The following FANCB variants were observed in gnomAD, a reference collection of about 807,000 sequenced individuals.
FANCB encodes FA complementation group B.
FANCB carries 5 observed loss-of-function variants against 38.9 expected under a neutral mutation model. That is an observed-to-expected ratio of 0.13 (90% CI 0.07 to 0.27). FANCB has a LOEUF of 0.27. Ranked by LOEUF, FANCB falls within the 10% of genes least tolerant of loss-of-function variation. FANCB has a pLI of 1.00. For synonymous variants in FANCB, 236 were observed against 215.4 expected (o/e 1.10, Z -0.84); for missense variants, 573 against 602.7 (o/e 0.95, Z 0.52).
At chrX:14,753,263 G>A in the FANCB span, among the ~76,000 whole-genome samples, 1 of 111,304 alleles carries the variant, frequency 9.0e-6, no homozygotes, top group Admixed American at 9.6e-5. Flanking sequence ...ATCCAATCCA[G>A]TATGACATTT....
the FANCB span, among the ~76,000 whole-genome samples, chrX:14,759,656 T>C: frequency 1.8e-5 from 2 of 111,314 alleles, no homozygotes; most frequent in Admixed American, 9.6e-5. Context: ...CAGTCTTTAA[T>C]GCTGAAAGAA....
At chrX:14,846,035 G>T (rs1345663532) in intron 7 of FANCB, among the ~76,000 whole-genome samples, 1 of 111,632 alleles carries the variant, frequency 9.0e-6, no homozygotes, top group Non-Finnish European at 1.9e-5. Flanking sequence ...GATTTAAAAA[G>T]AACTCAAAAA....
chrX:14,700,953 G>T, the FANCB span, among the ~76,000 whole-genome samples: 4 of 109,978 alleles, frequency 3.6e-5, no homozygotes, highest in African/African-American at 1.3e-4. Context: ...CCCAGTAGAA[G>T]GTATTCCTTC....
chrX:14,718,162 G>A, the FANCB span, among the ~76,000 whole-genome samples: 1 of 111,271 alleles, frequency 9.0e-6, no homozygotes, highest in East Asian at 2.8e-4. Flanking sequence ...CAGTGATGCT[G>A]TATCTCAAGT....
At chrX:14,740,213 G>A in the FANCB span, among the ~76,000 whole-genome samples, 1 of 110,787 alleles carries the variant, frequency 9.0e-6, no homozygotes, top group African/African-American at 3.3e-5. Flanking sequence ...TTTAGGGGCA[G>A]GGTAGTAGGG....
At chrX:14,730,143 T>C in the FANCB span, 1 of 851,933 alleles carries the variant, frequency 1.2e-6, no homozygotes, top group South Asian at 2.3e-5. Flanking sequence ...TAAAGAATTT[T>C]AAGCATCTTC....
the FANCB span, among the ~76,000 whole-genome samples, chrX:14,783,991 C>G: frequency 3.6e-5 from 4 of 112,363 alleles, no homozygotes; most frequent in Non-Finnish European, 7.5e-5. Context: ...AGGCGGATCA[C>G]CTGAGGTCAG....
the FANCB span, among the ~76,000 whole-genome samples, chrX:14,764,438 T>C: frequency 9.0e-6 from 1 of 111,693 alleles, no homozygotes; most frequent in South Asian, 3.8e-4. Context: ...AAGGGACTTA[T>C]GTAACAGAAT....
At chrX:14,786,718 G>T in the FANCB span, among the ~76,000 whole-genome samples, 1 of 110,817 alleles carries the variant, frequency 9.0e-6, no homozygotes, top group South Asian at 3.9e-4. Context: ...GGGTAAAATT[G>T]TCCAAGAGGT....
chrX:14,824,819 G>T, the FANCB span, among the ~76,000 whole-genome samples: 406 of 112,268 alleles, frequency 3.6e-3, 3 homozygotes, highest in African/African-American at 0.012. Context: ...GTCTTGTACA[G>T]AAATTATTTA....
the FANCB span, among the ~76,000 whole-genome samples, chrX:14,800,788 G>A: frequency 9.0e-6 from 1 of 111,694 alleles, no homozygotes; most frequent in Non-Finnish European, 1.9e-5. Context: ...GAAAGTTATA[G>A]TACTTGTCAT....
the FANCB span, among the ~76,000 whole-genome samples, chrX:14,779,605 T>C: frequency 1.8e-5 from 2 of 112,111 alleles, no homozygotes; most frequent in African/African-American, 6.5e-5. Context: ...TGCCAGTGCC[T>C]TAATCTTGGA....
the FANCB span, among the ~76,000 whole-genome samples, chrX:14,708,244 CAT>C: frequency 1.8e-5 from 2 of 111,270 alleles, no homozygotes; most frequent in African/African-American, 6.6e-5. Context: ...TTAGATTCCA[CAT>C]ATAAGTGAGA....
At position 14,865,418 on chromosome X, in the gene FANCB, A is replaced by G. The variant is rs759943598; in HGVS notation, c.93T>C (p.Asn31=). 8.3e-7 allele frequency: 1 copy of G among 1,209,752 alleles called. No homozygotes were observed. The highest frequency in any genetic ancestry group is 1.1e-6 in the Non-Finnish European group (1 of 894,099). ...EVLVFQLSKG[N]FADKEPTKTP... ...TTTTTGTAGGCTCTTTATCTGCAAA[A>G]TTTCCTTTAGACAACTGGAAAACAA... The change falls in exon 3 of 10, where the codon AAT becomes AAC. Residue 31 remains asparagine (N), a synonymous_variant. Coordinates refer to ENST00000650831, the MANE Select transcript of FANCB (RefSeq NM_001018113.3).
the FANCB span, among the ~76,000 whole-genome samples, chrX:14,821,592 C>A: frequency 8.9e-6 from 1 of 112,024 alleles, no homozygotes; most frequent in African/African-American, 3.2e-5. Context: ...TAATTTATGA[C>A]ATATATAACC....
chrX:14,782,896 C>T, the FANCB span, among the ~76,000 whole-genome samples: 2 of 111,564 alleles, frequency 1.8e-5, no homozygotes, highest in African/African-American at 6.5e-5. Context: ...TTCTAACAGT[C>T]TCCTAAGGGG....
At chrX:14,799,181 T>G in the FANCB span, among the ~76,000 whole-genome samples, 12 of 112,142 alleles carry the variant, frequency 1.1e-4, no homozygotes, top group Non-Finnish European at 2.1e-4. Flanking sequence ...CCCATAAAGA[T>G]AGAAACCCCA....
chrX:14,786,198 G>C, the FANCB span, among the ~76,000 whole-genome samples: 1 of 111,255 alleles, frequency 9.0e-6, no homozygotes, highest in African/African-American at 3.3e-5. Context: ...CAGGCAGGTA[G>C]CTCTCTTCAG....
rs749536805 is a variant in FANCB at position 14,865,373 on chromosome X, T to C, written c.138A>G (p.Arg46=). The change falls in exon 3 of 10, where the codon AGA becomes AGG. Residue 46 remains arginine, a synonymous_variant. Coordinates refer to ENST00000650831, the MANE Select transcript of FANCB (RefSeq NM_001018113.3). ...EPTKTPILHV[R]RMVFDRGTKV... ...TTGTTCCTCTGTCAAATACCATTCTTCTGACATGTAATATGGGTGTTTTTG... is the reference window on the plus strand; with the variant it reads ...TTGTTCCTCTGTCAAATACCATTCTCCTGACATGTAATATGGGTGTTTTTG... The C allele has an allele frequency of 1.7e-6, 2 of 1,204,077 alleles. No homozygotes were observed. The highest frequency in any genetic ancestry group is 2.2e-6 in the Non-Finnish European group (2 of 891,721).
Sources: gnomAD v4.1 joint callset for allele counts (sites outside exome capture counted in the v4.1 genomes callset) on GRCh38, gnomAD v4.1.1 for gene constraint, MANE v1.5 for transcripts, NCBI Gene and HGNC (gene_info 2026-07-23, HGNC 2026-07-21) for gene names.